Variants in ZNF676 observed in about 807,000 individuals in gnomAD.
ZNF676 encodes zinc finger protein 676.
A neutral mutation model predicts 6.0 loss-of-function variants in ZNF676; 4 were observed. That is an observed-to-expected ratio of 0.67 (90% CI 0.33 to 1.53). ZNF676 has a LOEUF of 1.53. ZNF676 is among the 40% of genes most tolerant of loss of function. The probability of loss-of-function intolerance (pLI) is 0.06; values close to 1 mark genes in which losing one functional copy is unlikely to be tolerated. For missense variants in ZNF676, 644 were observed against 679.7 expected (o/e 0.95, Z 0.58); for synonymous variants, 198 against 223.1 (o/e 0.89, Z 1.00).
At chr19:22,253,333 G>A in the ZNF676 span, among the ~76,000 whole-genome samples, 9,671 of 144,702 alleles carry the variant, frequency 0.067, 517 homozygotes, top group East Asian at 0.19. Context: ...TCACCTGAGG[G>A]ATATGTATAT....
chr19:22,227,967 C>G, the ZNF676 span, among the ~76,000 whole-genome samples: 2 of 152,132 alleles, frequency 1.3e-5, no homozygotes, highest in African/African-American at 4.8e-5. Context: ...GAAATTATTC[C>G]AAACAATAGA....
intron 1 of ZNF676, among the ~76,000 whole-genome samples, chr19:22,212,199 CA>C (rs34421901): frequency 0.24 from 27,991 of 118,838 alleles, 2,900 homozygotes; most frequent in South Asian, 0.43. Flanking sequence ...GATTCTGTCT[CA>C]AAAAAAAAAA....
intron 1 of ZNF676, among the ~76,000 whole-genome samples, chr19:22,211,070 C>T (rs1349769882): frequency 1.3e-5 from 2 of 149,724 alleles, no homozygotes; most frequent in East Asian, 3.9e-4. Flanking sequence ...GGTACTTCCT[C>T]CTGTTGCAAT....
the ZNF676 span, among the ~76,000 whole-genome samples, chr19:22,253,380 A>ATATATATATATATATATATGATAATGTG: frequency 1.7e-5 from 2 of 114,416 alleles, no homozygotes; most frequent in African/African-American, 7.0e-5. Flanking sequence ...GTGTATATAT[A>ATATATATATATATATATATGATAATGTG]TATATATATA....
chr19:22,197,854 C>G (rs1454983694), upstream of ZNF676, among the ~76,000 whole-genome samples: 4 of 151,966 alleles, frequency 2.6e-5, no homozygotes, highest in African/African-American at 9.6e-5. Context: ...CCTGATGTAC[C>G]CAGAAGGACA....
chr19:22,200,332 A>G (rs921368841), upstream of ZNF676, among the ~76,000 whole-genome samples: 1 of 152,074 alleles, frequency 6.6e-6, no homozygotes, highest in African/African-American at 2.4e-5. Flanking sequence ...AACTCTTCCA[A>G]TTATAAGTTC....
intron 2 of ZNF676, among the ~76,000 whole-genome samples, chr19:22,183,560 A>T (rs2023791117): frequency 1.2e-5 from 1 of 80,528 alleles, no homozygotes; most frequent in Non-Finnish European, 2.4e-5. Flanking sequence ...CTGGTCTGGA[A>T]CCCCTCACAC....
upstream of ZNF676, among the ~76,000 whole-genome samples, chr19:22,199,002 C>T (rs1341921668): frequency 6.6e-6 from 1 of 152,086 alleles, no homozygotes; most frequent in East Asian, 1.9e-4. Flanking sequence ...AACATGAATG[C>T]TTCCACCAAG....
chr19:22,238,674 T>A, the ZNF676 span, among the ~76,000 whole-genome samples: 1 of 152,268 alleles, frequency 6.6e-6, no homozygotes, highest in East Asian at 1.9e-4. Context: ...ACATATATGT[T>A]AATTAAGTAT....
At chr19:22,186,660 T>G (rs540046964) in intron 2 of ZNF676, among the ~76,000 whole-genome samples, 1 of 152,136 alleles carries the variant, frequency 6.6e-6, no homozygotes, top group Admixed American at 6.6e-5. Context: ...AAGACACATA[T>G]AGGCTCAAAA....
At chr19:22,239,779 G>C in the ZNF676 span, among the ~76,000 whole-genome samples, 1 of 152,166 alleles carries the variant, frequency 6.6e-6, no homozygotes, top group Non-Finnish European at 1.5e-5. Flanking sequence ...CTGCAACAGA[G>C]AAGAGGCACA....
At chr19:22,242,958 T>C in the ZNF676 span, among the ~76,000 whole-genome samples, 1 of 151,810 alleles carries the variant, frequency 6.6e-6, no homozygotes, top group Admixed American at 6.6e-5. Flanking sequence ...ATCTAGGTGA[T>C]GGGCCCAGAA....
chr19:22,253,370 GTGTATA>G, the ZNF676 span, among the ~76,000 whole-genome samples: 1 of 60,088 alleles, frequency 1.7e-5, no homozygotes, highest in Non-Finnish European at 3.3e-5. Context: ...GTGTGTGTGT[GTGTATA>G]TATATATATA....
the ZNF676 span, among the ~76,000 whole-genome samples, chr19:22,224,492 T>A: frequency 6.6e-6 from 1 of 152,158 alleles, no homozygotes; most frequent in Non-Finnish European, 1.5e-5. Context: ...GGTTGTTTTA[T>A]CTTGTCTAAG....
chr19:22,254,334 A>C, the ZNF676 span, among the ~76,000 whole-genome samples: 1 of 152,076 alleles, frequency 6.6e-6, no homozygotes, highest in Non-Finnish European at 1.5e-5. Context: ...AATACATTAC[A>C]ACATTTTCTG....
At chr19:22,250,011 G>A in the ZNF676 span, among the ~76,000 whole-genome samples, 3 of 151,614 alleles carry the variant, frequency 2.0e-5, no homozygotes, top group East Asian at 2.0e-4. Flanking sequence ...GGTGAAACCC[G>A]TCTCTACTAA....
At position 22,213,449 on chromosome 19, in the gene ZNF676, G is replaced by C. The variant is rs1253813958; in HGVS notation, c.3+2183C>G. ...TAAAGACAATACTAATACCTCAAGG[G>C]GTTAGCTTTCCAAAAAAACAGGGCA... On this transcript the variant is annotated intron_variant, in intron 1 of 3. Coordinates refer to the ZNF676 transcript ENST00000650058. 1.3e-5 allele frequency among the ~76,000 whole-genome samples: 2 copies of C among 152,082 alleles called. 1 individual carries two copies. Among genetic ancestry groups the C allele is most frequent in the Admixed American group, 1.3e-4 (2 of 15,262 alleles).
In ZNF676 at chr19:22,179,942, T is replaced by C. The variant is rs879309093; in HGVS notation, c.*8A>G. The C allele has an allele frequency of 1.2e-5, 19 of 1,610,974 alleles. No homozygotes were observed. Among genetic ancestry groups the C allele is most frequent in the Non-Finnish European group, 1.6e-5 (19 of 1,178,544 alleles). On this transcript the variant is annotated 3_prime_UTR_variant, in exon 3 of 3. Coordinates refer to ENST00000397121, the MANE Select transcript of ZNF676 (RefSeq NM_001001411.3). ...TCAGCTGAAGGATTTACCACATTCT[T>C]CACATTTTTAGGGATTCTCTCCAGT...
the ZNF676 span, among the ~76,000 whole-genome samples, chr19:22,234,962 G>GAGAAAGAAAGAAAGAAAGAAAAAA: frequency 9.9e-6 from 1 of 101,242 alleles, no homozygotes; most frequent in African/African-American, 3.9e-5. Context: ...AAGAAAGCAA[G>GAGAAAGAAAGAAAGAAAGAAAAAA]AGAAAGAAAG....
Sources: gnomAD v4.1 joint callset for allele counts (sites outside exome capture counted in the v4.1 genomes callset) on GRCh38, gnomAD v4.1.1 for gene constraint, MANE v1.5 for transcripts, NCBI Gene and HGNC (gene_info 2026-07-23, HGNC 2026-07-21) for gene names.